NRG3: variants seen among roughly 807,000 people sequenced by gnomAD.
NRG3 encodes neuregulin 3, also known as pro-neuregulin-3, membrane-bound isoform.
A neutral mutation model predicts 66.9 loss-of-function variants in NRG3; 31 were observed. The observed-to-expected ratio is 0.46, with a 90% CI of 0.35 to 0.63. The LOEUF (loss-of-function observed/expected upper bound fraction) is 0.63. Ranked by LOEUF, NRG3 falls within the 20% of genes least tolerant of loss-of-function variation. NRG3 has a pLI of 0.00. For synonymous variants in NRG3, 393 were observed against 359.4 expected, an observed-to-expected ratio of 1.09 and a Z score of -1.06; for missense variants, 910 against 878.9, an observed-to-expected ratio of 1.04 and a Z score of -0.45.
At chr10:82,730,498 T>C (rs1022857157) in intron 2 of NRG3, among the ~76,000 whole-genome samples, 1 of 152,226 alleles carries the variant, frequency 6.6e-6, no homozygotes, top group Non-Finnish European at 1.5e-5. Flanking sequence ...TTGAAATCTA[T>C]TGACAACACA....
At chr10:82,681,337 A>G (rs904987634) in intron 2 of NRG3, among the ~76,000 whole-genome samples, 1 of 152,198 alleles carries the variant, frequency 6.6e-6, no homozygotes, top group Non-Finnish European at 1.5e-5. Context: ...TTACCTCATA[A>G]AACTGTGGTA....
intron 3 of NRG3, among the ~76,000 whole-genome samples, chr10:82,789,967 C>T (rs1390627971): frequency 2.0e-5 from 3 of 152,042 alleles, no homozygotes; most frequent in Admixed American, 2.0e-4. Flanking sequence ...AACTTAGTTT[C>T]AGTGGTAGAG....
rs181048414 is a variant in NRG3, at chr10:81,965,605, T to A, written c.823+89442T>A. Reference sequence around the variant, plus strand: ...TTAAATCATCTATGATTTTATGTCATTTCCATAATTTTGTCCTTGCTCATT... The same window carrying A: ...TTAAATCATCTATGATTTTATGTCAATTCCATAATTTTGTCCTTGCTCATT... On this transcript the variant is annotated intron_variant, in intron 1 of 8. Transcript: ENST00000372141. 3.3e-5 allele frequency among the ~76,000 whole-genome samples: 5 copies of A among 152,248 alleles called. No homozygotes were observed. In the East Asian group the frequency reaches 7.7e-4, roughly 24 times the overall value.
At chr10:82,239,376 G>A (rs6584589) in intron 1 of NRG3, among the ~76,000 whole-genome samples, 43,602 of 151,972 alleles carry the variant, frequency 0.29, 9,155 homozygotes, top group African/African-American at 0.57. Flanking sequence ...GGCTGGTCTC[G>A]AATTCCTGAC....
chr10:82,475,800 A>G (rs376026317), intron 2 of NRG3, among the ~76,000 whole-genome samples: 3 of 152,214 alleles, frequency 2.0e-5, no homozygotes, highest in Admixed American at 6.5e-5. Flanking sequence ...TTTGGAAATG[A>G]CATCAAAGCC....
At chr10:82,210,098 A>G (rs1188865058) in intron 1 of NRG3, among the ~76,000 whole-genome samples, 5 of 152,174 alleles carry the variant, frequency 3.3e-5, no homozygotes, top group Admixed American at 2.0e-4. Context: ...TAACAGGGAG[A>G]AAGTTGAAAC....
intron 2 of NRG3, among the ~76,000 whole-genome samples, chr10:82,719,312 A>G (rs1294606297): frequency 6.6e-6 from 1 of 152,236 alleles, no homozygotes; most frequent in Non-Finnish European, 1.5e-5. Context: ...TGATTAGGGG[A>G]AAAACCTTTT....
At chr10:82,280,158 C>G (rs2079056723) in intron 1 of NRG3, among the ~76,000 whole-genome samples, 1 of 150,184 alleles carries the variant, frequency 6.7e-6, no homozygotes, top group Non-Finnish European at 1.5e-5. Context: ...TCTCTTCCCC[C>G]TATCCAATCA....
intron 3 of NRG3, among the ~76,000 whole-genome samples, chr10:82,757,000 A>C (rs571342490): frequency 5.3e-5 from 8 of 152,210 alleles, no homozygotes; most frequent in Admixed American, 3.9e-4. Flanking sequence ...TTTTAATAAC[A>C]GTCCAAACTA....
chr10:82,343,970 C>T (rs12245597), intron 1 of NRG3, among the ~76,000 whole-genome samples: 23,925 of 152,042 alleles, frequency 0.16, 3,187 homozygotes, highest in African/African-American at 0.35. Flanking sequence ...CACATCCATA[C>T]ATACTTTCCA....
At chr10:82,582,394 G>A (rs890424239) in intron 2 of NRG3, among the ~76,000 whole-genome samples, 7 of 152,036 alleles carry the variant, frequency 4.6e-5, no homozygotes, top group African/African-American at 1.4e-4. Flanking sequence ...TGAGCACAGG[G>A]ACCTGCCACA....
intron 1 of NRG3, among the ~76,000 whole-genome samples, chr10:82,187,312 T>A (rs2073864300): frequency 6.6e-6 from 1 of 152,124 alleles, no homozygotes; most frequent in Admixed American, 6.6e-5. Context: ...GAGGAGGTAG[T>A]TTTAATTCGC....
chr10:82,364,250 T>C (rs2084377674), intron 2 of NRG3, among the ~76,000 whole-genome samples: 1 of 152,064 alleles, frequency 6.6e-6, no homozygotes, highest in African/African-American at 2.4e-5. Flanking sequence ...TAAGCACTAC[T>C]AAGTCTATTT....
intron 3 of NRG3, among the ~76,000 whole-genome samples, chr10:82,853,308 G>T (rs1173464535): frequency 6.6e-6 from 1 of 152,096 alleles, no homozygotes; most frequent in African/African-American, 2.4e-5. Context: ...TTTTAGGATT[G>T]TTTTTTCTAG....
At chr10:82,217,016 TG>T (rs2075724671) in intron 1 of NRG3, among the ~76,000 whole-genome samples, 1 of 152,196 alleles carries the variant, frequency 6.6e-6, no homozygotes, top group Non-Finnish European at 1.5e-5. Context: ...GTTGCTCACT[TG>T]GAATTTAGAT....
intron 1 of NRG3, among the ~76,000 whole-genome samples, chr10:82,000,445 A>AT (rs756285779): frequency 2.6e-5 from 4 of 151,986 alleles, no homozygotes; most frequent in Non-Finnish European, 4.4e-5. Context: ...GCGTAGATTA[A>AT]TTTTTCTGGC....
rs3075657 is a variant in NRG3 at position 82,924,086 on chromosome 10, CAAA to C, written c.1055-27362_1055-27360del. Among the ~76,000 whole-genome samples the C allele has an allele frequency of 8.9e-3, 619 of 69,246 alleles. 1 individual carries two copies. Among genetic ancestry groups the C allele is most frequent in the African/African-American group, 0.024 (444 of 18,700 alleles). The allele number at this position is 69,246 out of a possible 152,430, so 45.4% of individuals were successfully genotyped here. ...CCTGGGCAACATAGCGAGACTGTCT[CAAA>C]AAAAAAAAAAAAAAAAAAAAGGTAG... On this transcript the variant is annotated intron_variant, in intron 4 of 8. Transcript: ENST00000372141.
chr10:81,978,865 A>C (rs2060222189), intron 1 of NRG3, among the ~76,000 whole-genome samples: 1 of 151,852 alleles, frequency 6.6e-6, no homozygotes, highest in Non-Finnish European at 1.5e-5. Flanking sequence ...CCAGCATCTT[A>C]TGTTTTGTAG....
chr10:82,045,995 G>A (rs1357010247), intron 1 of NRG3, among the ~76,000 whole-genome samples: 1 of 149,366 alleles, frequency 6.7e-6, no homozygotes, highest in Non-Finnish European at 1.5e-5. Context: ...TTGAAGTCAG[G>A]TAGCGTGATG....
Sources: allele counts gnomAD v4.1 joint callset (sites outside exome capture counted in the v4.1 genomes callset), GRCh38; gene constraint gnomAD v4.1.1; transcripts MANE v1.5; gene names NCBI Gene and HGNC (gene_info 2026-07-23, HGNC 2026-07-21).